Variants in LRRC8B observed in about 807,000 individuals in gnomAD.
LRRC8B encodes the protein leucine rich repeat containing 8 VRAC subunit B.
In LRRC8B, 23 loss-of-function variants were observed where a neutral mutation model predicts 58.8. The observed-to-expected ratio is 0.39, with a 90% CI of 0.28 to 0.55. The LOEUF (loss-of-function observed/expected upper bound fraction) is 0.55, where lower values mean the gene tolerates loss of function less well. LRRC8B is among the 20% of genes least tolerant of loss of function. The probability of loss-of-function intolerance (pLI) is 0.62; values close to 1 mark genes in which losing one functional copy is unlikely to be tolerated. For missense variants in LRRC8B, 694 were observed against 936.0 expected (o/e 0.74, Z 3.37); for synonymous variants, 359 against 374.1 (o/e 0.96, Z 0.47).
At chr1:89,544,906 T>C (rs751973228) in intron 1 of LRRC8B, among the ~76,000 whole-genome samples, 3 of 152,244 alleles carry the variant, frequency 2.0e-5, no homozygotes, top group Non-Finnish European at 4.4e-5. Context: ...TTATAACCAT[T>C]TTATTGGATA....
At chr1:89,582,515 C>A in intron 4 of LRRC8B, 110 bp from the exon 5 acceptor site, 1 of 666,738 alleles carries the variant, frequency 1.5e-6, no homozygotes, top group East Asian at 2.7e-5. Context: ...TAGGTTTTAC[C>A]CCAGAGCTAA....
At position 89,550,378 on chromosome 1, in the gene LRRC8B, A is replaced by G. The variant is rs142188369; in HGVS notation, c.-240-17869A>G. 1.8e-3 allele frequency among the ~76,000 whole-genome samples: 276 copies of G among 152,248 alleles called. 2 individuals are homozygous for G. Among genetic ancestry groups the G allele is most frequent in the African/African-American group, 6.2e-3 (257 of 41,540 alleles). On this transcript the variant is annotated intron_variant, in intron 1 of 5. Coordinates refer to ENST00000330947, the MANE Select transcript of LRRC8B (RefSeq NM_001369817.2). ...TCTAACTTTTTAAATTTAAGATTTG[A>G]CGCTGACTGGATTAAGTCACTCCCT...
At position 89,597,035 on chromosome 1, in the gene LRRC8B, G is replaced by A. The variant is rs745722368; in HGVS notation, c.*3992G>A. ...AGTCATCATATATATATTTGAAATAGTATAAGCTAATTACTGTTGCAGAAT... is the reference window on the plus strand; with the variant it reads ...AGTCATCATATATATATTTGAAATAATATAAGCTAATTACTGTTGCAGAAT... On this transcript the variant is annotated 3_prime_UTR_variant, in exon 6 of 6. Transcript: ENST00000330947. The A allele has an allele frequency of 3.9e-5, 6 of 152,148 alleles. No individual in the cohort carries two copies. Among genetic ancestry groups the A allele is most frequent in the Non-Finnish European group, 8.8e-5 (6 of 68,004 alleles). 9.4% of individuals were successfully genotyped at this position (152,148 alleles called of 1,614,324 possible).
intron 1 of LRRC8B, among the ~76,000 whole-genome samples, chr1:89,551,663 G>C (rs1352798959): frequency 6.6e-6 from 1 of 152,180 alleles, no homozygotes; most frequent in East Asian, 1.9e-4. Context: ...GCTCTGTGGT[G>C]AAAGTGCAGT....
intron 4 of LRRC8B, among the ~76,000 whole-genome samples, chr1:89,581,993 T>G (rs1320867296): frequency 6.6e-6 from 1 of 152,178 alleles, no homozygotes; most frequent in African/African-American, 2.4e-5. Context: ...AAGAGGCTCC[T>G]TGTGGTGACT....
chr1:89,545,315 T>C (rs1651321538), intron 1 of LRRC8B, among the ~76,000 whole-genome samples: 1 of 152,232 alleles, frequency 6.6e-6, no homozygotes, highest in South Asian at 2.1e-4. Context: ...AGTTATAAAA[T>C]CATCTTTACA....
chr1:89,579,740 T>G (rs528980720), intron 4 of LRRC8B, 52 bp downstream of exon 4: 1 of 152,768 alleles, frequency 6.5e-6, no homozygotes, highest in Non-Finnish European at 1.5e-5. Flanking sequence ...ACTTGTATTT[T>G]TATTGAATAA....
chr1:89,537,205 G>C (rs902156653), intron 1 of LRRC8B, among the ~76,000 whole-genome samples: 1 of 152,300 alleles, frequency 6.6e-6, no homozygotes, highest in South Asian at 2.1e-4. Flanking sequence ...GTGGCACTAC[G>C]ATCATGCTAT....
intron 1 of LRRC8B, among the ~76,000 whole-genome samples, chr1:89,560,194 G>C (rs1652516332): frequency 6.6e-6 from 1 of 152,184 alleles, no homozygotes; most frequent in Non-Finnish European, 1.5e-5. Context: ...GTATTCATTT[G>C]ATCAGGTCAT....
At chr1:89,592,696 T>TTTGAAAAAA in intron 5 of LRRC8B, 75 bp from the exon 6 acceptor site, 1 of 1,281,832 alleles carries the variant, frequency 7.8e-7, no homozygotes, top group Non-Finnish European at 1.1e-6. Context: ...TTTTTTTTTT[T>TTTGAAAAAA]GGAAAAAAGG....
chr1:89,571,499 G>A (rs1244390336), intron 3 of LRRC8B, among the ~76,000 whole-genome samples: 1 of 152,182 alleles, frequency 6.6e-6, no homozygotes, highest in Non-Finnish European at 1.5e-5. Flanking sequence ...CTCTCAACGT[G>A]ACTGTTGTTG....
chr1:89,574,851 A>G (rs1653729017), intron 3 of LRRC8B, among the ~76,000 whole-genome samples: 1 of 152,234 alleles, frequency 6.6e-6, no homozygotes, highest in Non-Finnish European at 1.5e-5. Flanking sequence ...ACTGCCAGTA[A>G]AACTTGGGCT....
At chr1:89,580,663 A>AT (rs1258343810) in intron 4 of LRRC8B, among the ~76,000 whole-genome samples, 1 of 152,134 alleles carries the variant, frequency 6.6e-6, no homozygotes, top group East Asian at 1.9e-4. Context: ...AAGAGTTGAG[A>AT]GTTAGAAATA....
Position 89,582,663 on chromosome 1 carries a change from A to T in LRRC8B, c.13A>T (p.Thr5Ser), listed in dbSNP as rs759030877. The change falls in exon 5 of 6, where the codon ACT (threonine) becomes TCT (serine). Residue 5 changes from threonine (T) to serine (S), a missense_variant. Transcript: ENST00000330947. ...ACAAGGGAAAGTCATGATTACACTAACTGAGCTAAAATGCTTAGCAGATGC... is the reference window on the plus strand; with the variant it reads ...ACAAGGGAAAGTCATGATTACACTATCTGAGCTAAAATGCTTAGCAGATGC... MITL[T>S]ELKCLADAQS... is the part of the protein sequence containing the mutation. 1 of 1,612,844 alleles carries T rather than the reference A, an allele frequency of 6.2e-7. No individual in the cohort carries two copies. Among genetic ancestry groups the T allele is most frequent in the Non-Finnish European group, 8.5e-7 (1 of 1,178,940 alleles).
Position 89,583,552 on chromosome 1 carries a change from G to C in LRRC8B, c.902G>C (p.Arg301Pro). 6.2e-7 allele frequency: 1 copy of C among 1,611,726 alleles called. No homozygotes were observed. The highest frequency in any genetic ancestry group is 8.5e-7 in the Non-Finnish European group (1 of 1,180,026). Reference protein sequence around the residue: ...VDVQAFTGYKRYQCVYSLAEI... With the variant: ...VDVQAFTGYKPYQCVYSLAEI... ...GTGCAGGCTTTTACAGGATATAAGC[G>C]CTACCAGTGTGTCTATTCCTTGGCA... is the stretch of plus-strand genomic sequence containing the variant. Residue 301 changes from arginine (R) to proline (P), a missense_variant, in exon 5 of 6, where the codon CGC (arginine) becomes CCC (proline). By Grantham distance (103) the Arg-to-Pro change is moderately radical. Coordinates refer to ENST00000330947, the MANE Select transcript of LRRC8B (RefSeq NM_001369817.2). The surrounding 1 kb of genome is among the most constrained non-coding windows in gnomAD (Gnocchi z 5.2).
chr1:89,534,333 G>A (rs1322562058), intron 1 of LRRC8B, among the ~76,000 whole-genome samples: 2 of 152,040 alleles, frequency 1.3e-5, no homozygotes, highest in African/African-American at 2.4e-5. Context: ...AAATACCAAA[G>A]TGATTTGATA....
chr1:89,562,389 G>GA (rs901852343), intron 1 of LRRC8B, among the ~76,000 whole-genome samples: 9 of 150,966 alleles, frequency 6.0e-5, no homozygotes, highest in South Asian at 2.1e-4. Context: ...GTTATTTTAG[G>GA]AAAAAAAATC....
intron 4 of LRRC8B, among the ~76,000 whole-genome samples, chr1:89,581,268 C>T (rs901724352): frequency 6.9e-5 from 8 of 115,128 alleles, no homozygotes; most frequent in Admixed American, 9.6e-5. Flanking sequence ...CACTAGACTC[C>T]GTCTCAAAAA....
At chr1:89,580,391 A>C (rs1312346761) in intron 4 of LRRC8B, among the ~76,000 whole-genome samples, 1 of 152,236 alleles carries the variant, frequency 6.6e-6, no homozygotes, top group Admixed American at 6.5e-5. Context: ...TGTTATAATC[A>C]GTATTTCAGC....
Sources: allele counts gnomAD v4.1 joint callset (sites outside exome capture counted in the v4.1 genomes callset), GRCh38; gene constraint gnomAD v4.1.1; non-coding constraint Gnocchi (gnomAD v3.1); transcripts MANE v1.5; gene names NCBI Gene and HGNC (gene_info 2026-07-23, HGNC 2026-07-21).